The following TRAPPC8 variants were observed in gnomAD, a reference collection of about 807,000 sequenced individuals.
TRAPPC8 encodes general sporulation gene 1 homolog.
TRAPPC8 carries 54 observed loss-of-function variants against 174.3 expected under a neutral mutation model. The observed-to-expected ratio is 0.31, with a 90% CI of 0.25 to 0.39. TRAPPC8 has a LOEUF of 0.39. TRAPPC8 is among the 10% of genes least tolerant of loss of function. The probability of loss-of-function intolerance (pLI) is 1.00; values close to 1 mark genes in which losing one functional copy is unlikely to be tolerated. For missense variants in TRAPPC8, 1,531 were observed against 1,699.1 expected (o/e 0.90, Z 1.74); for synonymous variants, 630 against 579.9 (o/e 1.09, Z -1.24).
At chr18:31,854,964 T>A (rs1340820575) in intron 21 of TRAPPC8, among the ~76,000 whole-genome samples, 6 of 30,940 alleles carry the variant, frequency 1.9e-4, no homozygotes, top group Non-Finnish European at 2.1e-4. Context: ...AGACTCCATC[T>A]CAAAAAAAAA....
At chr18:31,927,547 A>G (rs527711065) in intron 2 of TRAPPC8, among the ~76,000 whole-genome samples, 55 of 152,202 alleles carry the variant, frequency 3.6e-4, no homozygotes, top group African/African-American at 1.3e-3. Context: ...GTGAGCCACC[A>G]TGCCCAGCTA....
chr18:31,881,091 AAACT>A (rs977103797), intron 12 of TRAPPC8, among the ~76,000 whole-genome samples: 3 of 152,108 alleles, frequency 2.0e-5, no homozygotes, highest in East Asian at 1.9e-4. Context: ...CAGATTCAAC[AAACT>A]ATCTATCAAA....
chr18:31,873,423 T>C lies in TRAPPC8; in HGVS notation c.2062+7A>G. On this transcript the variant is annotated splice_region_variant and intron_variant, in intron 14 of 28. Coordinates refer to ENST00000283351, the MANE Select transcript of TRAPPC8 (RefSeq NM_014939.5). Reference sequence around the variant, plus strand: ...TAGGTAATTAGGCTAAATAAAACTTTACTAACCATCCGCTGGTCGTCTGTC... The same window carrying C: ...TAGGTAATTAGGCTAAATAAAACTTCACTAACCATCCGCTGGTCGTCTGTC... 1 of 1,606,966 alleles carries C rather than the reference T, an allele frequency of 6.2e-7. No homozygotes were observed. Among genetic ancestry groups the C allele is most frequent in the Non-Finnish European group, 8.5e-7 (1 of 1,175,766 alleles).
chr18:31,887,469 AC>A (rs1490683970), intron 12 of TRAPPC8, among the ~76,000 whole-genome samples: 5 of 152,010 alleles, frequency 3.3e-5, no homozygotes, highest in Non-Finnish European at 7.4e-5. Flanking sequence ...ACGTGGTGAA[AC>A]CCCATCTCTA....
At chr18:31,942,059 T>C (rs2038367815) in intron 1 of TRAPPC8, among the ~76,000 whole-genome samples, 2 of 152,198 alleles carry the variant, frequency 1.3e-5, no homozygotes, top group East Asian at 3.9e-4. Flanking sequence ...TTAATTTTCT[T>C]GAGAGGTTAA....
At chr18:31,871,998 TA>T (rs1019236018) in intron 14 of TRAPPC8, among the ~76,000 whole-genome samples, 1 of 152,124 alleles carries the variant, frequency 6.6e-6, no homozygotes, top group Non-Finnish European at 1.5e-5. Flanking sequence ...TGTATAGATT[TA>T]GGGGGTACAA....
chr18:31,901,080 T>C, intron 9 of TRAPPC8, 55 bp from the exon 10 acceptor site: 2 of 1,457,900 alleles, frequency 1.4e-6, no homozygotes, highest in East Asian at 2.4e-5. Flanking sequence ...TCTTACAGTT[T>C]AGATGGGAAA....
chr18:31,892,657 C>T (rs1218586969), intron 11 of TRAPPC8, among the ~76,000 whole-genome samples: 2 of 152,140 alleles, frequency 1.3e-5, no homozygotes, highest in Non-Finnish European at 2.9e-5. Context: ...AGCACCAATA[C>T]ATACTCTCAT....
At chr18:31,841,612 T>C (rs879929654) in intron 26 of TRAPPC8, among the ~76,000 whole-genome samples, 3 of 152,234 alleles carry the variant, frequency 2.0e-5, no homozygotes, top group Non-Finnish European at 4.4e-5. Flanking sequence ...TACTGTGCTA[T>C]ACTGCTTTGG....
intron 10 of TRAPPC8, among the ~76,000 whole-genome samples, chr18:31,899,225 A>T (rs1441238986): frequency 6.6e-6 from 1 of 152,144 alleles, no homozygotes; most frequent in African/African-American, 2.4e-5. Flanking sequence ...TATTTTACTT[A>T]TTTATGTTTG....
In TRAPPC8 at chr18:31,855,736, C is replaced by G. The variant is rs1369665824; in HGVS notation, c.3260G>C (p.Arg1087Thr). The change falls in exon 21 of 29, where the codon AGA becomes ACA. Residue 1087 changes from arginine (R) to threonine (T), a missense_variant. Transcript: ENST00000283351. The stretch of plus-strand genomic sequence containing the variant: ...TTCTTCATTTTCAAGAGAATTACTT[C>G]TGCAGACAGTGGCCCGTACATTTAA... ...RSLNVRATVCRSNSLENEEGR... is the reference protein window; with the variant it reads ...RSLNVRATVCTSNSLENEEGR... 2 of 1,611,772 alleles carry G rather than the reference C, an allele frequency of 1.2e-6. No homozygotes were observed. The highest frequency in any genetic ancestry group is 3.4e-5 in the Admixed American group (2 of 59,560).
intron 11 of TRAPPC8, chr18:31,896,326 T>C (rs2036183219): frequency 6.6e-6 from 1 of 152,066 alleles, no homozygotes; most frequent in Non-Finnish European, 1.5e-5. Flanking sequence ...AGTAAACTAT[T>C]TGGAGATACA....
At chr18:31,922,606 C>A (rs1227547394) in intron 2 of TRAPPC8, among the ~76,000 whole-genome samples, 1 of 151,744 alleles carries the variant, frequency 6.6e-6, no homozygotes, top group Non-Finnish European at 1.5e-5. Context: ...AACGAACAAA[C>A]AAAAAACAAA....
intron 12 of TRAPPC8, chr18:31,883,319 G>A (rs1011321128): frequency 6.6e-6 from 1 of 151,812 alleles, no homozygotes; most frequent in Non-Finnish European, 1.5e-5. Flanking sequence ...AGAAGGGATG[G>A]GAAATTGATG....
chr18:31,838,766 T>G (rs1360091852), intron 27 of TRAPPC8, among the ~76,000 whole-genome samples: 2 of 152,184 alleles, frequency 1.3e-5, no homozygotes, highest in African/African-American at 2.4e-5. Context: ...ACCTTTGAGA[T>G]AGTTTCTTTT....
At chr18:31,839,516 A>C in intron 26 of TRAPPC8, 59 bp from the exon 27 acceptor site, 1 of 1,492,890 alleles carries the variant, frequency 6.7e-7, no homozygotes, top group Non-Finnish European at 9.0e-7. Context: ...TAAAAAAAAA[A>C]AAAGCATAGT....
At chr18:31,833,320 A>G (rs1013388666) in intron 27 of TRAPPC8, 2 of 152,176 alleles carry the variant, frequency 1.3e-5, no homozygotes, top group African/African-American at 4.8e-5. Flanking sequence ...GAACATGTGG[A>G]TATCTCCTGG....
In TRAPPC8 at chr18:31,909,018, A is replaced by C. The variant is rs1179109417; in HGVS notation, c.866-8T>G. Reference sequence around the variant, plus strand: ...AGTTATTTGGTAAGCCATCTACTGAAAAAGAGATTATTTCTTTTACTCTCA... The same window carrying C: ...AGTTATTTGGTAAGCCATCTACTGACAAAGAGATTATTTCTTTTACTCTCA... On this transcript the variant is annotated splice_region_variant and splice_polypyrimidine_tract_variant and intron_variant, in intron 6 of 28. Coordinates refer to ENST00000283351, the MANE Select transcript of TRAPPC8 (RefSeq NM_014939.5). 1 of 1,593,012 alleles carries C rather than the reference A, an allele frequency of 6.3e-7. No individual in the cohort carries two copies. The highest frequency in any genetic ancestry group is 8.6e-7 in the Non-Finnish European group (1 of 1,168,434).
intron 12 of TRAPPC8, among the ~76,000 whole-genome samples, chr18:31,885,950 A>G (rs1191582383): frequency 6.6e-6 from 1 of 151,974 alleles, no homozygotes; most frequent in African/African-American, 2.4e-5. Context: ...GGCAAAAAGA[A>G]AAATTTCTGA....
Sources: gnomAD v4.1 joint callset for allele counts (sites outside exome capture counted in the v4.1 genomes callset) on GRCh38, gnomAD v4.1.1 for gene constraint, MANE v1.5 for transcripts, NCBI Gene and HGNC (gene_info 2026-07-23, HGNC 2026-07-21) for gene names.